Variants in CD86 observed in about 807,000 individuals in gnomAD.
CD86 encodes T-lymphocyte activation antigen CD86.
CD86 carries 11 observed loss-of-function variants against 32.1 expected under a neutral mutation model. The observed-to-expected ratio is 0.34, with a 90% CI of 0.22 to 0.57. The LOEUF is 0.57. Ranked by LOEUF, CD86 falls within the 20% of genes least tolerant of loss-of-function variation. The pLI is 0.86. For synonymous variants in CD86, 137 were observed against 135.3 expected, an observed-to-expected ratio of 1.01 and a Z score of -0.09; for missense variants, 359 against 398.4, an observed-to-expected ratio of 0.90 and a Z score of 0.84.
At chr3:122,092,128 C>T (rs1323742376) in intron 2 of CD86, 1 of 155,262 alleles carries the variant, frequency 6.4e-6, no homozygotes, top group Non-Finnish European at 1.4e-5. Flanking sequence ...TCCCTACCCT[C>T]TCTCACTCCC....
At chr3:122,073,331 T>G (rs1181739251) in intron 1 of CD86, among the ~76,000 whole-genome samples, 1 of 151,988 alleles carries the variant, frequency 6.6e-6, no homozygotes, top group Admixed American at 6.6e-5. Context: ...GTGAGGTATA[T>G]GTTCAGATCT....
chr3:122,089,343 T>C (rs1486327461), intron 1 of CD86, among the ~76,000 whole-genome samples: 1 of 152,230 alleles, frequency 6.6e-6, no homozygotes, highest in African/African-American at 2.4e-5. Context: ...CCACAACTAA[T>C]AAAGATTTCT....
chr3:122,103,594 CCT>C lies in CD86; in HGVS notation c.148_149del (p.Leu50GlufsTer2). 6.2e-7 allele frequency: 1 copy of C among 1,613,938 alleles called. No individual in the cohort carries two copies. The highest frequency in any genetic ancestry group is 8.5e-7 in the Non-Finnish European group (1 of 1,179,876). On this transcript the variant is annotated frameshift_variant, in exon 3 of 7. Transcript: ENST00000330540. LOFTEE classifies it high-confidence loss of function. ...CQFANSQNQS[L>X]SELVVFWQDQ... ...AATTTGCAAACTCTCAAAACCAAAGCCTGAGTGAGCTAGTAGTATTTTGGCAG... is the reference window on the plus strand; with the variant it reads ...AATTTGCAAACTCTCAAAACCAAAGCGAGTGAGCTAGTAGTATTTTGGCAG...
Position 122,106,271 on chromosome 3 carries a change from A to T in CD86, c.474A>T (p.Ser158=). The T allele has an allele frequency of 6.2e-7, 1 of 1,613,836 alleles. No homozygotes were observed. The highest frequency in any genetic ancestry group is 8.5e-7 in the Non-Finnish European group (1 of 1,179,826). The change falls in exon 4 of 7, where the codon TCA becomes TCT. Residue 158 remains serine (S), a synonymous_variant. Coordinates refer to ENST00000330540, the MANE Select transcript of CD86 (RefSeq NM_175862.5). ...TENVYINLTC[S]SIHGYPEPKK... is the part of the protein sequence containing the mutation. ...ATGTGTACATAAATTTGACCTGCTC[A>T]TCTATACACGGTTACCCAGAACCTA...
At chr3:122,096,661 T>G (rs1350256911) in intron 2 of CD86, among the ~76,000 whole-genome samples, 1 of 152,228 alleles carries the variant, frequency 6.6e-6, no homozygotes, top group Admixed American at 6.5e-5. Flanking sequence ...TTGTTCCTGC[T>G]TTTTGCAAGA....
intron 2 of CD86, among the ~76,000 whole-genome samples, chr3:122,099,592 C>T (rs1336220768): frequency 3.3e-5 from 5 of 152,072 alleles, no homozygotes; most frequent in African/African-American, 1.2e-4. Flanking sequence ...GATATGTAGA[C>T]CAAAAGTAGA....
intron 1 of CD86, among the ~76,000 whole-genome samples, chr3:122,083,869 C>T (rs2072673898): frequency 6.6e-6 from 1 of 152,178 alleles, no homozygotes; most frequent in South Asian, 2.1e-4. Flanking sequence ...TAATATTTCA[C>T]ATACATCAGA....
chr3:122,109,220 G>T (rs201715951), intron 4 of CD86, 45 bp from the exon 5 acceptor site: 104 of 1,592,836 alleles, frequency 6.5e-5, no homozygotes, highest in Non-Finnish European at 8.3e-5. Flanking sequence ...GAAACCTTTT[G>T]TAAATGACTC....
rs566789511 is a variant in CD86 at position 122,067,860 on chromosome 3, G to A, written c.14+12357G>A. 2.0e-5 allele frequency among the ~76,000 whole-genome samples: 3 copies of A among 152,244 alleles called. No individual in the cohort carries two copies. In the South Asian group the frequency reaches 6.2e-4, roughly 32 times the overall value. On this transcript the variant is annotated intron_variant, in intron 1 of 6. Transcript: ENST00000330540. ...CAGGGAGTAATGCCTCTTGTGTGGT[G>A]GCAGACCCTTCAAGTCTTCCAGATA...
At chr3:122,084,118 C>G (rs2072678586) in intron 1 of CD86, among the ~76,000 whole-genome samples, 1 of 152,162 alleles carries the variant, frequency 6.6e-6, no homozygotes, top group African/African-American at 2.4e-5. Flanking sequence ...TCCTGAGTAG[C>G]TGAAATTACA....
At chr3:122,063,779 T>C (rs2072372422) in intron 1 of CD86, among the ~76,000 whole-genome samples, 3 of 152,048 alleles carry the variant, frequency 2.0e-5, no homozygotes, top group Non-Finnish European at 4.4e-5. Flanking sequence ...CTCAAACTCC[T>C]GACCTCAAGT....
chr3:122,118,068 G>A lies in CD86; in HGVS notation c.868G>A (p.Glu290Lys). 6.2e-7 allele frequency: 1 copy of A among 1,613,464 alleles called. No homozygotes were observed. Among genetic ancestry groups the A allele is most frequent in the South Asian group, 1.1e-5 (1 of 91,016 alleles). ...TTCAGGAACCAACACAATGGAGAGG[G>A]AAGAGAGTGAACAGACCAAGAAAAG... The part of the protein sequence containing the change: ...YKCGTNTMER[E>K]ESEQTKKREK... The change falls in exon 6 of 7, where the codon GAA becomes AAA. Residue 290 changes from glutamate to lysine, a missense_variant. Transcript: ENST00000330540.
chr3:122,118,146 C>T (rs2073284995), intron 6 of CD86, 53 bp downstream of exon 6: 1 of 1,459,946 alleles, frequency 6.8e-7, no homozygotes, highest in African/African-American at 1.4e-5. Flanking sequence ...CCCCAGAGTG[C>T]CTGTTACTTG....
intron 2 of CD86, among the ~76,000 whole-genome samples, chr3:122,098,679 A>C (rs2072947739): frequency 6.6e-6 from 1 of 152,228 alleles, no homozygotes; most frequent in Non-Finnish European, 1.5e-5. Context: ...AGGACGGAGC[A>C]GGCAGATGAG....
chr3:122,058,771 T>C (rs966319421), intron 1 of CD86, among the ~76,000 whole-genome samples: 1 of 152,080 alleles, frequency 6.6e-6, no homozygotes, highest in East Asian at 1.9e-4. Context: ...AAAAAATCCC[T>C]TGGCAGAAGA....
At chr3:122,104,883 G>A (rs771322702) in intron 3 of CD86, among the ~76,000 whole-genome samples, 4 of 152,134 alleles carry the variant, frequency 2.6e-5, no homozygotes, top group Non-Finnish European at 5.9e-5. Flanking sequence ...TGCTGTAAAC[G>A]TTCATGTACA....
At chr3:122,073,363 C>A (rs1022408027) in intron 1 of CD86, among the ~76,000 whole-genome samples, 1 of 151,750 alleles carries the variant, frequency 6.6e-6, no homozygotes, top group African/African-American at 2.4e-5. Flanking sequence ...TTAAATTGGG[C>A]TGTTTGTTCT....
intron 1 of CD86, among the ~76,000 whole-genome samples, chr3:122,076,160 T>G (rs1395048072): frequency 6.6e-6 from 1 of 152,216 alleles, no homozygotes; most frequent in African/African-American, 2.4e-5. Context: ...TTTTTCTAAA[T>G]AGATTTACTT....
At chr3:122,098,705 A>G (rs2072948177) in intron 2 of CD86, among the ~76,000 whole-genome samples, 1 of 152,238 alleles carries the variant, frequency 6.6e-6, no homozygotes, top group African/African-American at 2.4e-5. Context: ...AGACAATTAC[A>G]TTAGTCTCCT....
Sources: gnomAD v4.1 joint callset for allele counts (sites outside exome capture counted in the v4.1 genomes callset) on GRCh38, gnomAD v4.1.1 for gene constraint, MANE v1.5 for transcripts, NCBI Gene and HGNC (gene_info 2026-07-23, HGNC 2026-07-21) for gene names.